Variants in MAP3K3 observed in about 807,000 individuals in gnomAD.
MAP3K3 encodes the protein MAP/ERK kinase kinase 3.
Under a neutral mutation model 80.9 loss-of-function variants are expected in MAP3K3, and 12 were observed. That is an observed-to-expected ratio of 0.15 (90% CI 0.10 to 0.24). MAP3K3 has a LOEUF of 0.24. Ranked by LOEUF, MAP3K3 falls within the 10% of genes least tolerant of loss-of-function variation. The pLI, the probability that MAP3K3 is intolerant of heterozygous loss-of-function variation, is 1.00. For synonymous variants in MAP3K3, 272 were observed against 307.1 expected, an observed-to-expected ratio of 0.89 and a Z score of 1.19; for missense variants, 596 against 834.7, an observed-to-expected ratio of 0.71 and a Z score of 3.52.
chr17:63,662,331 C>A (rs1360668792), intron 5 of MAP3K3, among the ~76,000 whole-genome samples: 3 of 151,456 alleles, frequency 2.0e-5, no homozygotes, highest in Non-Finnish European at 4.4e-5. Flanking sequence ...GGGAGAATCA[C>A]CTGAGGCCGG....
intron 6 of MAP3K3, among the ~76,000 whole-genome samples, chr17:63,671,649 G>A (rs1280664225): frequency 2.6e-5 from 4 of 152,162 alleles, no homozygotes; most frequent in Non-Finnish European, 5.9e-5. Flanking sequence ...CTGAGGTGAT[G>A]TCATCACCGT....
intron 3 of MAP3K3, among the ~76,000 whole-genome samples, chr17:63,648,317 C>T (rs1244578868): frequency 6.6e-6 from 1 of 152,146 alleles, no homozygotes; most frequent in African/African-American, 2.4e-5. Context: ...CTAGGGACAT[C>T]TGAGTGGACT....
intron 8 of MAP3K3, among the ~76,000 whole-genome samples, chr17:63,687,790 C>A (rs538608834): frequency 1.7e-4 from 25 of 144,162 alleles, no homozygotes; most frequent in African/African-American, 6.5e-4. Context: ...GAGATCGAGA[C>A]CATCTTGGCC....
intron 11 of MAP3K3, 56 bp from the exon 12 acceptor site, chr17:63,690,208 T>G: frequency 6.4e-7 from 1 of 1,568,148 alleles, no homozygotes; most frequent in Non-Finnish European, 8.7e-7. Context: ...GGAGAATGAA[T>G]GGGATATTCA....
Position 63,645,890 on chromosome 17 carries a change from C to T in MAP3K3, c.127-144C>T, listed in dbSNP as rs2034531611. The T allele has an allele frequency of 4.5e-6, 3 of 668,512 alleles. No individual in the cohort carries two copies. In the East Asian group the frequency reaches 8.3e-5, roughly 19 times the overall value. 41.4% of individuals were successfully genotyped at this position (668,512 alleles called of 1,614,324 possible). A position where few individuals can be genotyped will look rare whatever the true frequency, so the allele number is the denominator to read the frequency against. Reference sequence around the variant, plus strand: ...AACTCATTGGAAAGGAATGCCCATGCCCATCTGGGAAGAGAAGCTGGACCA... The same window carrying T: ...AACTCATTGGAAAGGAATGCCCATGTCCATCTGGGAAGAGAAGCTGGACCA... On this transcript the variant is annotated intron_variant, in intron 2 of 15. Coordinates refer to ENST00000361733, the MANE Select transcript of MAP3K3 (RefSeq NM_002401.5).
chr17:63,663,488 G>A (rs1355645737), intron 5 of MAP3K3, among the ~76,000 whole-genome samples: 1 of 147,704 alleles, frequency 6.8e-6, no homozygotes, highest in African/African-American at 2.5e-5. Context: ...GGCGATGAGC[G>A]AAACTCCGTC....
intron 3 of MAP3K3, among the ~76,000 whole-genome samples, chr17:63,650,695 AG>A (rs1008844648): frequency 9.5e-5 from 10 of 105,592 alleles, no homozygotes; most frequent in African/African-American, 3.9e-4. Flanking sequence ...AGAGAGAGAG[AG>A]TTTTTTTTTT....
chr17:63,626,394 G>T (rs2034103029), intron 1 of MAP3K3, among the ~76,000 whole-genome samples: 1 of 152,170 alleles, frequency 6.6e-6, no homozygotes, highest in Non-Finnish European at 1.5e-5. Flanking sequence ...TTTTGGTATT[G>T]ACACATGTAA....
At position 63,676,989 on chromosome 17, in the gene MAP3K3, T is replaced by C. The variant is rs556982263; in HGVS notation, c.503-4777T>C. Reference sequence around the variant, plus strand: ...GCTTCTCAAGTACAGGAAGGCACAGTAGAAGGGTGGAATCCATCTTACGCC... The same window carrying C: ...GCTTCTCAAGTACAGGAAGGCACAGCAGAAGGGTGGAATCCATCTTACGCC... On this transcript the variant is annotated intron_variant, in intron 6 of 15. Transcript: ENST00000361733. Among the ~76,000 whole-genome samples the C allele has an allele frequency of 5.3e-5, 8 of 152,310 alleles. No homozygotes were observed. The East Asian group carries it at 1.2e-3, about 22-fold the overall frequency.
In MAP3K3 at chr17:63,690,343, C is replaced by T. The variant is rs776653116; in HGVS notation, c.1143C>T (p.Asp381=). ...TCGGCAGGGTCTATTTGTGCTATGA[C>T]GTGGACACGGGACGTGAACTTGCTT... ...GAFGRVYLCY[D]VDTGRELASK... The change falls in exon 12 of 16, where the codon GAC becomes GAT. Residue 381 remains aspartate (D), a synonymous_variant. Transcript: ENST00000361733. The T allele has an allele frequency of 2.4e-5, 39 of 1,614,106 alleles. No homozygotes were observed. Among genetic ancestry groups the T allele is most frequent in the Admixed American group, 6.7e-5 (4 of 60,006 alleles).
chr17:63,663,833 G>A (rs973610173), intron 5 of MAP3K3, among the ~76,000 whole-genome samples: 7 of 152,060 alleles, frequency 4.6e-5, no homozygotes, highest in East Asian at 1.9e-4. Flanking sequence ...TCCAGGCTGC[G>A]ATGAGCTATG....
intron 2 of MAP3K3, chr17:63,637,009 T>A (rs1449639447): frequency 4.9e-6 from 3 of 610,910 alleles, no homozygotes; most frequent in Non-Finnish European, 9.4e-6. Flanking sequence ...AGATTCAGTG[T>A]GTGGTGGGGG....
intron 2 of MAP3K3, among the ~76,000 whole-genome samples, chr17:63,638,519 C>T (rs1361683172): frequency 1.3e-5 from 2 of 152,118 alleles, no homozygotes; most frequent in African/African-American, 4.8e-5. Context: ...GTGTTATTGT[C>T]AGTTATTCCT....
chr17:63,671,359 G>A (rs745367659), intron 6 of MAP3K3, among the ~76,000 whole-genome samples: 3 of 151,126 alleles, frequency 2.0e-5, no homozygotes, highest in Admixed American at 6.6e-5. Context: ...GGGTTCAAAC[G>A]ATTCTCTTGC....
At chr17:63,660,063 T>C (rs2034856402) in intron 5 of MAP3K3, among the ~76,000 whole-genome samples, 2 of 152,210 alleles carry the variant, frequency 1.3e-5, no homozygotes, top group African/African-American at 4.8e-5. Flanking sequence ...ATATCATACC[T>C]TAAGTACACT....
At chr17:63,633,309 A>G (rs762529455) in intron 2 of MAP3K3, among the ~76,000 whole-genome samples, 5 of 151,960 alleles carry the variant, frequency 3.3e-5, no homozygotes, top group Non-Finnish European at 7.4e-5. Flanking sequence ...TAAGCATTTC[A>G]TCTGTTATGG....
chr17:63,665,880 C>G (rs1200675733), intron 5 of MAP3K3, among the ~76,000 whole-genome samples: 4 of 152,174 alleles, frequency 2.6e-5, no homozygotes, highest in Non-Finnish European at 5.9e-5. Context: ...AACCTTTTTC[C>G]TGGAGGACAG....
At chr17:63,641,683 C>G (rs558250512) in intron 2 of MAP3K3, among the ~76,000 whole-genome samples, 1 of 152,230 alleles carries the variant, frequency 6.6e-6, no homozygotes, top group East Asian at 1.9e-4. Flanking sequence ...ATATTGGCCT[C>G]AGATACGTGG....
intron 1 of MAP3K3, among the ~76,000 whole-genome samples, chr17:63,627,506 G>T (rs970873315): frequency 6.6e-6 from 1 of 151,022 alleles, no homozygotes; most frequent in South Asian, 2.1e-4. Flanking sequence ...GCAGTGGCAC[G>T]ATCTCAGTTC....
Sources: allele counts gnomAD v4.1 joint callset (sites outside exome capture counted in the v4.1 genomes callset), GRCh38; gene constraint gnomAD v4.1.1; transcripts MANE v1.5; gene names NCBI Gene and HGNC (gene_info 2026-07-23, HGNC 2026-07-21).